The following TAC1 variants were observed in gnomAD, a reference collection of about 807,000 sequenced individuals.
The protein encoded by TAC1 is tachykinin precursor 1, also known as protachykinin-1.
TAC1 carries 12 observed loss-of-function variants against 21.7 expected under a neutral mutation model. The observed-to-expected ratio is 0.55, with a 90% confidence interval of 0.35 to 0.89. The LOEUF (loss-of-function observed/expected upper bound fraction) is 0.89. Among genes scored for constraint, TAC1 ranks in the 40% least tolerant of loss-of-function variants. TAC1 has a pLI of 0.01. For missense variants in TAC1, 128 were observed against 151.4 expected (o/e 0.85, Z 0.81); for synonymous variants, 52 against 52.0 (o/e 1.00, Z 0.00).
rs1789680207 is a variant in TAC1, at chr7:97,740,283, A to G, written c.*363A>G. 1 of 163,296 alleles carries G rather than the reference A, an allele frequency of 6.1e-6. No individual in the cohort carries two copies. Among genetic ancestry groups the G allele is most frequent in the African/African-American group, 2.4e-5 (1 of 41,858 alleles). The allele number at this position is 163,296 out of a possible 1,614,324, so 10.1% of individuals were successfully genotyped here. ...CTCCTGACAGTCTTGTGCTTTTCCT[A>G]TTTGTTTTCATGGTGAAAATGTACT... On this transcript the variant is annotated 3_prime_UTR_variant, in exon 7 of 7. Transcript: ENST00000319273.
chr7:97,733,292 T>G (rs1789477318), intron 2 of TAC1, among the ~76,000 whole-genome samples: 1 of 151,562 alleles, frequency 6.6e-6, no homozygotes, highest in Non-Finnish European at 1.5e-5. Flanking sequence ...GGAAAAACGG[T>G]GAAAGTCGTC....
rs1789545794 is a variant in TAC1, at chr7:97,734,814, T to C, written c.266-12T>C. ...AATCTATATGTGTTTGCTAATTTTA[T>C]CTTTCTTCTAGGACATGGCCAGATC... On this transcript the variant is annotated splice_polypyrimidine_tract_variant and intron_variant, in intron 4 of 6. Coordinates refer to ENST00000319273, the MANE Select transcript of TAC1 (RefSeq NM_003182.3). 6.3e-7 allele frequency: 1 copy of C among 1,589,624 alleles called. No individual in the cohort carries two copies. Among genetic ancestry groups the C allele is most frequent in the African/African-American group, 1.3e-5 (1 of 74,134 alleles).
At chr7:97,734,430 G>A in intron 4 of TAC1, 138 bp downstream of exon 4, 2 of 693,702 alleles carry the variant, frequency 2.9e-6, no homozygotes, top group South Asian at 1.9e-5. Flanking sequence ...ACTCTCTCTC[G>A]GTTTCTCTCT....
At chr7:97,733,960 C>T (rs1789501326) in intron 3 of TAC1, 141 bp downstream of exon 3, 2 of 869,112 alleles carry the variant, frequency 2.3e-6, no homozygotes, top group South Asian at 1.7e-5. Context: ...CGACATTGGC[C>T]CACACCGCAC....
At chr7:97,738,216 A>G (rs1789620124) in intron 6 of TAC1, among the ~76,000 whole-genome samples, 1 of 151,990 alleles carries the variant, frequency 6.6e-6, no homozygotes, top group Admixed American at 6.6e-5. Flanking sequence ...GCCTTAATCT[A>G]TAGCCCTCTG....
intron 5 of TAC1, among the ~76,000 whole-genome samples, chr7:97,735,419 A>T (rs145882562): frequency 2.6e-4 from 39 of 152,318 alleles, no homozygotes; most frequent in Admixed American, 2.5e-3. Flanking sequence ...AACATTTCTT[A>T]GGGCAGCAAA....
chr7:97,737,184 C>T (rs887942861), intron 6 of TAC1, among the ~76,000 whole-genome samples: 2 of 151,876 alleles, frequency 1.3e-5, no homozygotes, highest in South Asian at 4.1e-4. Flanking sequence ...TTTGTTAAGA[C>T]CTTATAGCTC....
intron 5 of TAC1, among the ~76,000 whole-genome samples, chr7:97,735,592 A>G (rs1193163471): frequency 6.6e-6 from 1 of 152,178 alleles, no homozygotes; most frequent in Non-Finnish European, 1.5e-5. Context: ...GGCCACATTA[A>G]CGTAGCAGCT....
intron 6 of TAC1, among the ~76,000 whole-genome samples, chr7:97,738,997 AAATAT>A (rs573282115): frequency 2.0e-4 from 30 of 148,388 alleles, no homozygotes; most frequent in Non-Finnish European, 3.4e-4. Context: ...TATATATAAT[AAATAT>A]AATATAATAT....
At position 97,734,305 on chromosome 7, in the gene TAC1, A is replaced by G; in HGVS notation, c.265+13A>G. 1 of 1,607,654 alleles carries G rather than the reference A, an allele frequency of 6.2e-7. No homozygotes were observed. Among genetic ancestry groups the G allele is most frequent in the Non-Finnish European group, 8.5e-7 (1 of 1,174,866 alleles). On this transcript the variant is annotated intron_variant, in intron 4 of 6. Coordinates refer to ENST00000319273, the MANE Select transcript of TAC1 (RefSeq NM_003182.3). ...AAGGCTCTTTATGGTAAACATTCCT[A>G]TAAATCTTTATTTTACTATTGTGAA...
At chr7:97,734,337 T>C in intron 4 of TAC1, 45 bp downstream of exon 4, 2 of 1,539,460 alleles carry the variant, frequency 1.3e-6, no homozygotes, top group Admixed American at 1.7e-5. Flanking sequence ...TGAAAGCACA[T>C]GTAGGAAAGT....
intron 5 of TAC1, among the ~76,000 whole-genome samples, chr7:97,735,531 C>CA (rs952668250): frequency 1.4e-4 from 21 of 152,084 alleles, no homozygotes; most frequent in African/African-American, 5.1e-4. Context: ...TCGTATTGTC[C>CA]ACTCACCTAT....
intron 6 of TAC1, among the ~76,000 whole-genome samples, chr7:97,737,198 C>A (rs1319469002): frequency 1.3e-5 from 2 of 151,900 alleles, no homozygotes; most frequent in African/African-American, 2.4e-5. Context: ...ATAGCTCTTA[C>A]CTCTAGGGCT....
chr7:97,733,832 A>G lies in TAC1; in HGVS notation c.220+13A>G, dbSNP rs777362022. The G allele has an allele frequency of 6.2e-7, 1 of 1,613,594 alleles. No homozygotes were observed. The highest frequency in any genetic ancestry group is 1.3e-5 in the African/African-American group (1 of 74,872). On this transcript the variant is annotated intron_variant, in intron 3 of 6. Transcript: ENST00000319273. ...AAACGGGATGCTGGTGAGATAGGCGACCGTCCCTAGGTGTCTTGGGCAGCC... is the reference window on the plus strand; with the variant it reads ...AAACGGGATGCTGGTGAGATAGGCGGCCGTCCCTAGGTGTCTTGGGCAGCC...
Position 97,732,291 on chromosome 7 carries a change from A to G in TAC1, c.-10+96A>G. ...GCTGGGGGCGCCGCTGCGGCGAGGG[A>G]CAGTGGGGAGACTGGCTTCCCAAAC... On this transcript the variant is annotated intron_variant, in intron 1 of 6. Coordinates refer to ENST00000319273, the MANE Select transcript of TAC1 (RefSeq NM_003182.3). This position sits in a 1 kb window ranked among gnomAD's most constrained non-coding sequence, Gnocchi z 6.2. 1 of 210,292 alleles carries G rather than the reference A, an allele frequency of 4.8e-6. No homozygotes were observed. Among genetic ancestry groups the G allele is most frequent in the Non-Finnish European group, 9.6e-6 (1 of 103,920 alleles). The allele number at this position is 210,292 out of a possible 1,614,324, so 13.0% of individuals were successfully genotyped here.
chr7:97,736,518 G>A (rs537280759), intron 6 of TAC1, among the ~76,000 whole-genome samples, 166 bp downstream of exon 6: 1 of 152,156 alleles, frequency 6.6e-6, no homozygotes, highest in East Asian at 1.9e-4. Context: ...TTTATAGCTG[G>A]TTAAGCTAAT....
chr7:97,733,908 A>C lies in TAC1; in HGVS notation c.220+89A>C. 8 of 1,303,524 alleles carry C rather than the reference A, an allele frequency of 6.1e-6. No individual in the cohort carries two copies. In the South Asian group the frequency reaches 7.4e-5, roughly 12 times the overall value. 80.7% of individuals were successfully genotyped at this position (1,303,524 alleles called of 1,614,324 possible). ...GAGTACCCCAGGGTCTCTCGCTCTG[A>C]ATAGAGATTTCCACTCCAAGAGGGG... On this transcript the variant is annotated intron_variant, in intron 3 of 6. Transcript: ENST00000319273.
At chr7:97,736,414 G>T in intron 6 of TAC1, 62 bp downstream of exon 6, 1 of 1,452,528 alleles carries the variant, frequency 6.9e-7, no homozygotes, top group African/African-American at 1.4e-5. Flanking sequence ...TTTTTTCTAA[G>T]ACATAGTTTT....
intron 5 of TAC1, among the ~76,000 whole-genome samples, chr7:97,735,460 TA>T (rs1217834910): frequency 6.6e-6 from 1 of 152,152 alleles, no homozygotes; most frequent in Non-Finnish European, 1.5e-5. Context: ...TGAAGGTCAT[TA>T]AATTTGTTTC....
Sources: gnomAD v4.1 joint callset for allele counts (sites outside exome capture counted in the v4.1 genomes callset) on GRCh38, gnomAD v4.1.1 for gene constraint, Gnocchi (gnomAD v3.1) non-coding constraint, MANE v1.5 for transcripts, NCBI Gene and HGNC (gene_info 2026-07-23, HGNC 2026-07-21) for gene names.